The following NFATC3 variants were observed in gnomAD, a reference collection of about 807,000 sequenced individuals.
The protein encoded by NFATC3 is nuclear factor of activated T cells 3.
Under a neutral mutation model 98.6 loss-of-function variants are expected in NFATC3, and 46 were observed. The ratio of observed to expected loss-of-function variants is 0.47; its 90% CI spans 0.37 to 0.60. NFATC3 has a LOEUF of 0.60. NFATC3 is among the 20% of genes least tolerant of loss of function. The pLI is 0.00. For synonymous variants in NFATC3, 512 were observed against 472.2 expected, an observed-to-expected ratio of 1.08 and a Z score of -1.09; for missense variants, 1,256 against 1,295.5, an observed-to-expected ratio of 0.97 and a Z score of 0.47.
chr16:68,148,160 G>C (rs1429152097), intron 3 of NFATC3, among the ~76,000 whole-genome samples: 2 of 152,044 alleles, frequency 1.3e-5, no homozygotes, highest in Non-Finnish European at 2.9e-5. Flanking sequence ...GGGATTAGAG[G>C]CATTCGCCAC....
chr16:68,204,293 C>T (rs1467334614), intron 9 of NFATC3, among the ~76,000 whole-genome samples: 2 of 152,146 alleles, frequency 1.3e-5, no homozygotes, highest in Non-Finnish European at 2.9e-5. Flanking sequence ...ACCTGGGAGA[C>T]AGAGGTTGCA....
intron 3 of NFATC3, among the ~76,000 whole-genome samples, chr16:68,149,720 A>G (rs1348260706): frequency 6.6e-6 from 1 of 152,216 alleles, no homozygotes; most frequent in Non-Finnish European, 1.5e-5. Flanking sequence ...TTGGTGATAA[A>G]TGGAAAACAA....
At chr16:68,096,557 T>A (rs965889249) in intron 1 of NFATC3, among the ~76,000 whole-genome samples, 2 of 152,238 alleles carry the variant, frequency 1.3e-5, no homozygotes, top group Admixed American at 1.3e-4. Context: ...TAATTCAGTC[T>A]ATTGGAGTAG....
intron 3 of NFATC3, 57 bp downstream of exon 3, chr16:68,126,667 A>T: frequency 1.3e-6 from 2 of 1,553,702 alleles, no homozygotes; most frequent in Non-Finnish European, 1.8e-6. Context: ...ATGATTAGAC[A>T]AGTCTATTCA....
At chr16:68,124,270 T>A (rs1160447536) in intron 2 of NFATC3, among the ~76,000 whole-genome samples, 2 of 151,860 alleles carry the variant, frequency 1.3e-5, no homozygotes, top group South Asian at 2.1e-4. Flanking sequence ...CTCAATTATT[T>A]AAAAAAATTT....
chr16:68,175,511 CTT>C lies in NFATC3; in HGVS notation c.1915+1000_1915+1001del, dbSNP rs370316477. On this transcript the variant is annotated intron_variant, in intron 6 of 9. Transcript: ENST00000346183. ...TTCCTTCTTGTGCATATTTAAAACA[CTT>C]TTACATCAGTTGTTTCCTCTCAGTT... Among the ~76,000 whole-genome samples, 14 of 152,202 alleles carry C rather than the reference CTT, an allele frequency of 9.2e-5. No homozygotes were observed. The East Asian group carries it at 1.9e-3, about 21-fold the overall frequency.
Position 68,227,365 on chromosome 16 carries a change from A to C in NFATC3, c.*894A>C, listed in dbSNP as rs934898169. On this transcript the variant is annotated 3_prime_UTR_variant, in exon 10 of 10. Coordinates refer to ENST00000346183, the MANE Select transcript of NFATC3 (RefSeq NM_173165.3). ...TCATCTGGTCGTAGAACCTTTTCCA[A>C]ACAGAAGCATCTGCCTTTGGCTGTT... 1.3e-5 allele frequency: 2 copies of C among 152,006 alleles called. No homozygotes were observed. Among genetic ancestry groups the C allele is most frequent in the Admixed American group, 6.6e-5 (1 of 15,248 alleles). The allele number at this position is 152,006 out of a possible 1,614,324, so 9.4% of individuals were successfully genotyped here.
chr16:68,114,020 C>G (rs2036129710), intron 1 of NFATC3, among the ~76,000 whole-genome samples: 1 of 152,222 alleles, frequency 6.6e-6, no homozygotes, highest in African/African-American at 2.4e-5. Context: ...CCTGCTGCTG[C>G]TAGCCACAAC....
chr16:68,201,022 A>G (rs756575846), intron 9 of NFATC3: 6 of 150,290 alleles, frequency 4.0e-5, no homozygotes, highest in African/African-American at 1.5e-4. Context: ...ACCTCTGCCT[A>G]CTGGGTTCAA....
At chr16:68,185,216 A>G (rs920374013) in intron 8 of NFATC3, among the ~76,000 whole-genome samples, 11 of 152,148 alleles carry the variant, frequency 7.2e-5, no homozygotes, top group African/African-American at 1.2e-4. Context: ...ACCTCAGGCA[A>G]TCCGCTTGCC....
intron 9 of NFATC3, among the ~76,000 whole-genome samples, chr16:68,213,212 A>G (rs112672280): frequency 0.013 from 1,970 of 150,128 alleles, 42 homozygotes; most frequent in African/African-American, 0.045. Context: ...TCAGGAGATC[A>G]AGACCATCCT....
chr16:68,141,726 A>G (rs1362916750), intron 3 of NFATC3, among the ~76,000 whole-genome samples: 1 of 151,926 alleles, frequency 6.6e-6, no homozygotes, highest in Admixed American at 6.6e-5. Flanking sequence ...TATTGGATGT[A>G]TAGTTTGCTA....
At chr16:68,215,998 G>T (rs956634934) in intron 9 of NFATC3, among the ~76,000 whole-genome samples, 2 of 152,154 alleles carry the variant, frequency 1.3e-5, no homozygotes, top group African/African-American at 2.4e-5. Flanking sequence ...AAAGTGCTGG[G>T]ATGACAGGCA....
chr16:68,172,820 A>G lies in NFATC3; in HGVS notation c.1775-1554A>G, dbSNP rs548773641. Reference sequence around the variant, plus strand: ...AAACAACCGTTAGAGAACCTACACAATGAAAAGAAGTATAATCTACAGTTT... The same window carrying G: ...AAACAACCGTTAGAGAACCTACACAGTGAAAAGAAGTATAATCTACAGTTT... On this transcript the variant is annotated intron_variant, in intron 5 of 9. Coordinates refer to ENST00000346183, the MANE Select transcript of NFATC3 (RefSeq NM_173165.3). Among the ~76,000 whole-genome samples the G allele has an allele frequency of 3.2e-4, 48 of 152,344 alleles. No individual in the cohort carries two copies. In the South Asian group the frequency reaches 9.3e-3, roughly 30 times the overall value.
At chr16:68,213,460 TAAAA>T (rs112296432) in intron 9 of NFATC3, among the ~76,000 whole-genome samples, 1 of 147,274 alleles carries the variant, frequency 6.8e-6, no homozygotes, top group Admixed American at 6.8e-5. Context: ...AAATAAAAAT[TAAAA>T]AAAAAATACT....
intron 1 of NFATC3, among the ~76,000 whole-genome samples, chr16:68,116,530 T>C (rs73612689): frequency 0.013 from 1,992 of 152,288 alleles, 41 homozygotes; most frequent in African/African-American, 0.045. Context: ...AAATCTGGAC[T>C]TAGGACTGTT....
At chr16:68,167,807 G>GTTTTTTTTTT (rs1263970399) in intron 5 of NFATC3, among the ~76,000 whole-genome samples, 4 of 23,586 alleles carry the variant, frequency 1.7e-4, no homozygotes, top group Non-Finnish European at 3.1e-4. Flanking sequence ...AACCGTATGT[G>GTTTTTTTTTT]TTCTTTTTTT....
At chr16:68,210,036 G>A (rs1044916198) in intron 9 of NFATC3, among the ~76,000 whole-genome samples, 3 of 151,366 alleles carry the variant, frequency 2.0e-5, no homozygotes, top group African/African-American at 2.4e-5. Flanking sequence ...AGTGGCTCGC[G>A]CCTGTAATCC....
At chr16:68,104,653 GTT>G (rs778016298) in intron 1 of NFATC3, among the ~76,000 whole-genome samples, 7 of 126,646 alleles carry the variant, frequency 5.5e-5, no homozygotes, top group Non-Finnish European at 8.2e-5. Context: ...TTCACAAATG[GTT>G]TTTTTTTTTT....
Sources: gnomAD v4.1 joint callset for allele counts (sites outside exome capture counted in the v4.1 genomes callset) on GRCh38, gnomAD v4.1.1 for gene constraint, MANE v1.5 for transcripts, NCBI Gene and HGNC (gene_info 2026-07-23, HGNC 2026-07-21) for gene names.